Variants in RDX observed in about 807,000 individuals in gnomAD.
The protein encoded by RDX is radixin, also known as deafness, autosomal recessive 24.
A neutral mutation model predicts 83.7 loss-of-function variants in RDX; 32 were observed. The observed-to-expected ratio is 0.38, with a 90% CI of 0.29 to 0.51. The LOEUF is 0.51. Ranked by LOEUF, RDX falls within the 20% of genes least tolerant of loss-of-function variation. RDX has a pLI of 0.87. For missense variants in RDX, 600 were observed against 689.9 expected (o/e 0.87, Z 1.46); for synonymous variants, 229 against 222.7 (o/e 1.03, Z -0.25).
intron 3 of RDX, among the ~76,000 whole-genome samples, chr11:110,265,505 T>C (rs956504533): frequency 6.6e-6 from 1 of 151,290 alleles, no homozygotes; most frequent in African/African-American, 2.4e-5. Flanking sequence ...TGAAAATATA[T>C]ATATATATAT....
chr11:110,189,893 G>A (rs186123858), intron 15 of RDX, among the ~76,000 whole-genome samples: 3 of 152,252 alleles, frequency 2.0e-5, no homozygotes, highest in Non-Finnish European at 4.4e-5. Flanking sequence ...AGACCAGCCT[G>A]ACCTACATGG....
intron 9 of RDX, among the ~76,000 whole-genome samples, chr11:110,251,112 G>T (rs1273412270): frequency 6.6e-6 from 1 of 152,114 alleles, no homozygotes; most frequent in Non-Finnish European, 1.5e-5. Context: ...CTTTCCTCAT[G>T]AAGTCTTTTG....
intron 15 of RDX, among the ~76,000 whole-genome samples, chr11:110,176,483 T>A (rs1281596922): frequency 6.6e-6 from 1 of 152,144 alleles, no homozygotes; most frequent in Non-Finnish European, 1.5e-5. Context: ...TTCTCAACTC[T>A]GCCTCCTGCT....
At chr11:110,210,574 A>G (rs1182021703) in intron 14 of RDX, among the ~76,000 whole-genome samples, 3 of 151,176 alleles carry the variant, frequency 2.0e-5, no homozygotes, top group African/African-American at 7.3e-5. Flanking sequence ...AAAAAATGTT[A>G]AGGGCAGCCA....
chr11:110,222,621 CT>C (rs1331704977), intron 14 of RDX, among the ~76,000 whole-genome samples: 4 of 152,096 alleles, frequency 2.6e-5, no homozygotes, highest in Non-Finnish European at 5.9e-5. Flanking sequence ...ACGGTAAAAC[CT>C]CGTCTCTACT....
intron 15 of RDX, among the ~76,000 whole-genome samples, chr11:110,198,080 A>G (rs1044328616): frequency 6.6e-6 from 1 of 152,160 alleles, no homozygotes; most frequent in Non-Finnish European, 1.5e-5. Flanking sequence ...TTGTCACATA[A>G]ATAAGTCTAA....
chr11:110,182,165 G>C (rs898845), intron 15 of RDX, among the ~76,000 whole-genome samples: 1 of 151,992 alleles, frequency 6.6e-6, no homozygotes, highest in African/African-American at 2.4e-5. Flanking sequence ...GGACTACTGA[G>C]CTCCACAGAT....
intron 11 of RDX, chr11:110,236,423 CTG>C: frequency 2.3e-6 from 1 of 435,598 alleles, no homozygotes; most frequent in Non-Finnish European, 4.1e-6. Flanking sequence ...CTAGTTAATC[CTG>C]CTTTCAGTAG....
At chr11:110,294,799 G>A (rs931748689) in intron 1 of RDX, among the ~76,000 whole-genome samples, 1 of 151,702 alleles carries the variant, frequency 6.6e-6, no homozygotes, top group Non-Finnish European at 1.5e-5. Flanking sequence ...AGCTACTTCT[G>A]AGACTCTCCT....
intron 7 of RDX, among the ~76,000 whole-genome samples, chr11:110,256,874 T>A (rs148608364): frequency 6.6e-6 from 1 of 152,224 alleles, no homozygotes; most frequent in Non-Finnish European, 1.5e-5. Flanking sequence ...TGGAATCACA[T>A]ATGCTTTGAA....
At chr11:110,190,856 T>C (rs1378302275) in intron 15 of RDX, among the ~76,000 whole-genome samples, 1 of 152,180 alleles carries the variant, frequency 6.6e-6, no homozygotes, top group East Asian at 1.9e-4. Flanking sequence ...ATGGATAAAT[T>C]CTTGGATGCA....
chr11:110,177,728 C>A (rs563205445), intron 15 of RDX, among the ~76,000 whole-genome samples: 2 of 152,268 alleles, frequency 1.3e-5, no homozygotes, highest in Non-Finnish European at 2.9e-5. Flanking sequence ...AGGTGGTCCG[C>A]CTGCCTCGGC....
intron 14 of RDX, among the ~76,000 whole-genome samples, chr11:110,206,170 T>C (rs530631193): frequency 2.7e-5 from 4 of 150,560 alleles, no homozygotes; most frequent in Admixed American, 1.3e-4. Flanking sequence ...AGCAGGAGAA[T>C]TGCTTGAACC....
intron 10 of RDX, among the ~76,000 whole-genome samples, chr11:110,247,006 A>G (rs1354387556): frequency 5.9e-5 from 9 of 152,162 alleles, no homozygotes; most frequent in Non-Finnish European, 1.0e-4. Flanking sequence ...GAGGAGAAAA[A>G]CATTTTATTG....
intron 14 of RDX, among the ~76,000 whole-genome samples, chr11:110,211,548 A>G (rs1320630528): frequency 2.0e-5 from 3 of 151,574 alleles, no homozygotes; most frequent in African/African-American, 4.9e-5. Context: ...TCAGCACCAC[A>G]CCACACCTAT....
intron 2 of RDX, among the ~76,000 whole-genome samples, chr11:110,278,625 T>C (rs921202202): frequency 6.6e-6 from 1 of 152,158 alleles, no homozygotes; most frequent in Non-Finnish European, 1.5e-5. Context: ...TTGGTTCTAG[T>C]ATTGTTTTAT....
intron 3 of RDX, among the ~76,000 whole-genome samples, chr11:110,271,370 CT>C (rs979944421): frequency 2.0e-5 from 3 of 152,144 alleles, no homozygotes; most frequent in African/African-American, 4.8e-5. Flanking sequence ...TATTGCTCTC[CT>C]GCTCCTAAGA....
chr11:110,210,907 G>A (rs1048952562), intron 14 of RDX, among the ~76,000 whole-genome samples: 7 of 151,784 alleles, frequency 4.6e-5, no homozygotes, highest in Admixed American at 2.0e-4. Context: ...AAAGACCATC[G>A]AGACACTAGG....
chr11:110,256,003 G>A (rs1859530889), intron 7 of RDX, among the ~76,000 whole-genome samples: 1 of 152,114 alleles, frequency 6.6e-6, no homozygotes, highest in Admixed American at 6.6e-5. Context: ...AAACTCTTGA[G>A]ACTATACACA....
Sources: gnomAD v4.1 joint callset for allele counts (sites outside exome capture counted in the v4.1 genomes callset) on GRCh38, gnomAD v4.1.1 for gene constraint, MANE v1.5 for transcripts, NCBI Gene and HGNC (gene_info 2026-07-23, HGNC 2026-07-21) for gene names.